Variants in ZMYM6 observed in about 807,000 individuals in gnomAD.
ZMYM6 encodes the protein zinc finger MYM-type protein 6.
Under a neutral mutation model 134.0 loss-of-function variants are expected in ZMYM6, and 90 were observed. The observed-to-expected ratio is 0.67, with a 90% confidence interval of 0.57 to 0.80. The LOEUF is 0.80. Among genes scored for constraint, ZMYM6 ranks in the 30% least tolerant of loss-of-function variants. The pLI is 0.00. For missense variants in ZMYM6, 1,362 were observed against 1,533.9 expected (o/e 0.89, Z 1.87); for synonymous variants, 481 against 524.1 (o/e 0.92, Z 1.12).
intron 13 of ZMYM6, among the ~76,000 whole-genome samples, chr1:35,004,703 G>A (rs1445587772): frequency 6.6e-6 from 1 of 152,128 alleles, no homozygotes. Context: ...TGAGGCGGGG[G>A]TGGGGAGGCG....
rs1423666861 is a variant in ZMYM6 at position 34,986,930 on chromosome 1, T to A, written c.*174A>T. 3 of 409,534 alleles carry A rather than the reference T, an allele frequency of 7.3e-6. No individual in the cohort carries two copies. Among genetic ancestry groups the A allele is most frequent in the African/African-American group, 2.1e-5 (1 of 48,606 alleles). 25.4% of individuals were successfully genotyped at this position (409,534 alleles called of 1,614,324 possible). Reference sequence around the variant, plus strand: ...AATTTTCTACCCTAGATTATAATTATACATAATTATTTATAACAATCATAA... The same window carrying A: ...AATTTTCTACCCTAGATTATAATTAAACATAATTATTTATAACAATCATAA... On this transcript the variant is annotated 3_prime_UTR_variant, in exon 16 of 16. Transcript: ENST00000357182.
chr1:35,000,487 C>T (rs1271195574), intron 14 of ZMYM6, among the ~76,000 whole-genome samples: 1 of 152,002 alleles, frequency 6.6e-6, no homozygotes, highest in Non-Finnish European at 1.5e-5. Flanking sequence ...GATCTACCTA[C>T]CTTGGCCTCC....
At chr1:35,025,494 A>G (rs1054626095) in intron 2 of ZMYM6, among the ~76,000 whole-genome samples, 53 of 147,310 alleles carry the variant, frequency 3.6e-4, no homozygotes, top group Non-Finnish European at 1.5e-5. Context: ...AAAAAGAAAG[A>G]AAAAAAAAAG....
intron 10 of ZMYM6, 67 bp from the exon 11 acceptor site, chr1:35,008,991 T>A: frequency 6.6e-7 from 1 of 1,509,956 alleles, no homozygotes; most frequent in South Asian, 1.3e-5. Flanking sequence ...ATAATAAGTT[T>A]CTGTGGTCTT....
intron 14 of ZMYM6, among the ~76,000 whole-genome samples, chr1:34,993,269 G>A (rs1467331789): frequency 6.6e-6 from 1 of 151,626 alleles, no homozygotes; most frequent in Non-Finnish European, 1.5e-5. Flanking sequence ...GCGCCACCAC[G>A]CCTGGCTAAT....
chr1:35,031,139 A>G (rs1260678912), intron 1 of ZMYM6: 2 of 153,280 alleles, frequency 1.3e-5, no homozygotes, highest in South Asian at 2.0e-4. Flanking sequence ...GCCCTGACCT[A>G]TAACTCAACC....
chr1:35,025,648 A>G lies in ZMYM6; in HGVS notation c.93+4899T>C, dbSNP rs545367799. On this transcript the variant is annotated intron_variant, in intron 2 of 15. Coordinates refer to ENST00000357182, the MANE Select transcript of ZMYM6 (RefSeq NM_007167.4). ...TCTCATTCTCATAACTTTTCTCTCC[A>G]TTACACTATCAATTACCTTGAGAGC... Among the ~76,000 whole-genome samples, 21 of 152,266 alleles carry G rather than the reference A, an allele frequency of 1.4e-4. No individual in the cohort carries two copies. In the East Asian group the frequency reaches 4.1e-3, roughly 29 times the overall value.
intron 2 of ZMYM6, among the ~76,000 whole-genome samples, chr1:35,020,869 C>A (rs1371213069): frequency 3.3e-5 from 5 of 151,978 alleles, no homozygotes; most frequent in African/African-American, 1.2e-4. Flanking sequence ...CCACACCCGG[C>A]CCTATTCATC....
intron 10 of ZMYM6, among the ~76,000 whole-genome samples, chr1:35,009,685 C>T (rs1641049433): frequency 6.6e-6 from 1 of 152,118 alleles, no homozygotes; most frequent in South Asian, 2.1e-4. Flanking sequence ...ATAATCCCAG[C>T]ACTTTGGGAG....
At chr1:35,029,308 G>C (rs192685538) in intron 2 of ZMYM6, among the ~76,000 whole-genome samples, 1 of 152,312 alleles carries the variant, frequency 6.6e-6, no homozygotes, top group East Asian at 1.9e-4. Flanking sequence ...TAGAGAAGCA[G>C]AATAGCACAA....
Position 35,031,865 on chromosome 1 carries a change from C to G in ZMYM6, c.-125G>C, listed in dbSNP as rs1237084982. The G allele has an allele frequency of 6.6e-6, 1 of 152,428 alleles. No individual in the cohort carries two copies. The highest frequency in any genetic ancestry group is 1.5e-5 in the Non-Finnish European group (1 of 68,140). 9.4% of individuals were successfully genotyped at this position (152,428 alleles called of 1,614,324 possible). On this transcript the variant is annotated 5_prime_UTR_variant, in exon 1 of 16. Transcript: ENST00000357182. ...GGAGCACTGGAATAGGAACCAAGTC[C>G]TCTGCATCTAGACAGGGATTATTTT...
At chr1:34,989,278 C>T in intron 15 of ZMYM6, 1 of 1,012,848 alleles carries the variant, frequency 9.9e-7, no homozygotes, top group Non-Finnish European at 1.2e-6. Context: ...TGGCTCACAC[C>T]TATAATCCCA....
At chr1:35,011,843 C>T (rs776316513) in intron 8 of ZMYM6, 47 bp downstream of exon 8, 26 of 1,304,118 alleles carry the variant, frequency 2.0e-5, no homozygotes, top group Admixed American at 4.3e-5. Context: ...TGCCACAGAT[C>T]GATGCCTAAC....
At chr1:35,014,022 A>C (rs1367234447) in intron 6 of ZMYM6, among the ~76,000 whole-genome samples, 1 of 152,228 alleles carries the variant, frequency 6.6e-6, no homozygotes, top group Non-Finnish European at 1.5e-5. Flanking sequence ...AACTTTTTAA[A>C]ACCACAAATT....
chr1:35,021,537 T>C (rs113062706), intron 2 of ZMYM6, among the ~76,000 whole-genome samples: 1,709 of 151,954 alleles, frequency 0.011, 30 homozygotes, highest in African/African-American at 0.039. Context: ...GGAGAATCAC[T>C]TGAACCCGGG....
At position 35,019,595 on chromosome 1, in the gene ZMYM6, C is replaced by A. The variant is rs376790683; in HGVS notation, c.186G>T (p.Gln62His). The change falls in exon 4 of 16, where the codon CAG (glutamine) becomes CAT (histidine). Residue 62 changes from glutamine (Q) to histidine (H), a missense_variant. Coordinates refer to ENST00000357182, the MANE Select transcript of ZMYM6 (RefSeq NM_007167.4). Reference sequence around the variant, plus strand: ...AAGAAAGCTGAAAGCCTGGGTTCAACTGCTGGGCTATCAAAACAAAATAAA... The same window carrying A: ...AAGAAAGCTGAAAGCCTGGGTTCAAATGCTGGGCTATCAAAACAAAATAAA... ...SSVNERPIAQ[Q>H]LNPGFQLSFA... 1.0e-5 allele frequency: 16 copies of A among 1,588,986 alleles called. No homozygotes were observed. The African/African-American group carries it at 1.9e-4, about 19-fold the overall frequency.
chr1:35,019,443 T>A lies in ZMYM6; in HGVS notation c.338A>T (p.Gln113Leu), dbSNP rs572490718. 6.2e-7 allele frequency: 1 copy of A among 1,614,188 alleles called. No individual in the cohort carries two copies. Among genetic ancestry groups the A allele is most frequent in the South Asian group, 1.1e-5 (1 of 91,086 alleles). Residue 113 changes from glutamine (Q) to leucine (L), a missense_variant, in exon 4 of 16, where the codon CAG becomes CTG. Physicochemically the swap from Gln to Leu is moderately radical, Grantham distance 113 (BLOSUM62 -2). Transcript: ENST00000357182. ...GATGCATCGTGTGGAGCAGAAGAGC[T>A]GAGTAGATCCTGTCTTATGATATGC... ...QTAYHKTGST[Q>L]LFCSTRCITR...
At chr1:35,019,860 A>G (rs1373230772) in intron 3 of ZMYM6, among the ~76,000 whole-genome samples, 3 of 151,926 alleles carry the variant, frequency 2.0e-5, no homozygotes, top group African/African-American at 7.3e-5. Context: ...ATTTTTAGCA[A>G]AGATAAGGTA....
intron 4 of ZMYM6, 191 bp downstream of exon 4, chr1:35,019,162 G>T: frequency 1.3e-6 from 1 of 759,544 alleles, no homozygotes; most frequent in Non-Finnish European, 2.1e-6. Context: ...ACTGGTTTAG[G>T]CAATATTCTA....
Sources: gnomAD v4.1 joint callset for allele counts (sites outside exome capture counted in the v4.1 genomes callset) on GRCh38, gnomAD v4.1.1 for gene constraint, MANE v1.5 for transcripts, NCBI Gene and HGNC (gene_info 2026-07-23, HGNC 2026-07-21) for gene names.